The following SDHA variants were observed in gnomAD, a reference collection of about 807,000 sequenced individuals.
SDHA encodes succinate dehydrogenase complex flavoprotein subunit A.
A neutral mutation model predicts 78.4 loss-of-function variants in SDHA; 48 were observed. The ratio of observed to expected loss-of-function variants is 0.61; its 90% confidence interval spans 0.49 to 0.78. The LOEUF (loss-of-function observed/expected upper bound fraction) is 0.78, where lower values mean the gene tolerates loss of function less well. Among genes scored for constraint, SDHA ranks in the 30% least tolerant of loss-of-function variants. The probability of loss-of-function intolerance (pLI) is 0.00; values close to 1 mark genes in which losing one functional copy is unlikely to be tolerated. For missense variants in SDHA, 680 were observed against 892.7 expected (o/e 0.76, Z 3.04); for synonymous variants, 326 against 353.9 (o/e 0.92, Z 0.88).
intron 9 of SDHA, 151 bp from the exon 10 acceptor site, chr5:236,277 G>C: frequency 1.3e-6 from 1 of 754,204 alleles, no homozygotes. Context: ...ACCCACCTCA[G>C]CCTCCCAAAG....
rs34771391 is a variant in SDHA, at chr5:230,927, C to T, written c.822C>T (p.Gly274=). 6,097 of 1,613,966 alleles carry T rather than the reference C, an allele frequency of 3.8e-3. 51 individuals carry two copies. Among genetic ancestry groups the T allele is most frequent in the African/African-American group, 0.026 (1,967 of 75,018 alleles). ...GCACGTCTGCCCACACCAGCACTGG[C>T]GACGGCACGGCCATGATCACCAGGG... The part of the protein sequence containing the change: ...FSCTSAHTST[G]DGTAMITRAG... The change falls in exon 7 of 15, where the codon GGC becomes GGT. Residue 274 remains glycine (G), a synonymous_variant. Transcript: ENST00000264932.
At chr5:218,815 C>T (rs1734539372) in intron 1 of SDHA, among the ~76,000 whole-genome samples, 1 of 152,122 alleles carries the variant, frequency 6.6e-6, no homozygotes, top group Non-Finnish European at 1.5e-5. Flanking sequence ...GGCCGGTGGC[C>T]GCCCTGGCTG....
chr5:242,566 A>C (rs1736210206), intron 11 of SDHA, among the ~76,000 whole-genome samples: 1 of 151,976 alleles, frequency 6.6e-6, no homozygotes, highest in Non-Finnish European at 1.5e-5. Flanking sequence ...CTGATTTCCC[A>C]CTCCACACAC....
intron 9 of SDHA, chr5:235,540 G>C: frequency 1.6e-6 from 1 of 630,484 alleles, no homozygotes; most frequent in Non-Finnish European, 2.9e-6. Flanking sequence ...TTAGTAAATT[G>C]TCAGAGATAC....
downstream of SDHA, among the ~76,000 whole-genome samples, chr5:259,459 C>T (rs1579454096): frequency 3.0e-5 from 1 of 32,950 alleles, no homozygotes. Flanking sequence ...ACCGTGTGAG[C>T]TCCGCCTCCT....
chr5:262,411 CCT>C, the SDHA span, among the ~76,000 whole-genome samples: 1 of 151,956 alleles, frequency 6.6e-6, no homozygotes, highest in Non-Finnish European at 1.5e-5. Context: ...AGATCCGCCC[CCT>C]GTCATATCAT....
the SDHA span, among the ~76,000 whole-genome samples, chr5:265,832 A>AT: frequency 7.0e-6 from 1 of 142,684 alleles, no homozygotes; most frequent in Non-Finnish European, 1.5e-5. Flanking sequence ...AAAAAAAAAA[A>AT]AGAGTTGTCA....
chr5:233,051 A>T (rs1245759208), intron 7 of SDHA, among the ~76,000 whole-genome samples: 1 of 152,264 alleles, frequency 6.6e-6, no homozygotes, highest in Non-Finnish European at 1.5e-5. Flanking sequence ...ATTATCTAAA[A>T]TAATCATTAT....
chr5:244,349 T>C (rs138003562), intron 11 of SDHA, among the ~76,000 whole-genome samples: 6,232 of 151,406 alleles, frequency 0.041, no homozygotes, highest in Middle Eastern at 0.058. Flanking sequence ...TACAAATACA[T>C]AGAGGAGTCA....
chr5:251,537 C>T (rs767213824), intron 13 of SDHA, 69 bp downstream of exon 13: 2 of 1,610,342 alleles, frequency 1.2e-6, no homozygotes, highest in Non-Finnish European at 1.7e-6. Flanking sequence ...AGCCCCACCC[C>T]TGCATTTTCT....
At chr5:224,130 A>G (rs1340757590) in intron 2 of SDHA, among the ~76,000 whole-genome samples, 1 of 152,202 alleles carries the variant, frequency 6.6e-6, no homozygotes, top group Admixed American at 6.5e-5. Flanking sequence ...GTCTGACCCC[A>G]TGGGATAGAC....
chr5:218,363 G>T lies in SDHA; in HGVS notation c.8G>T (p.Gly3Val). The T allele has an allele frequency of 2.1e-6, 3 of 1,462,298 alleles. No individual in the cohort carries two copies. The South Asian group carries it at 4.2e-5, about 20-fold the overall frequency. 90.6% of individuals were successfully genotyped at this position (1,462,298 alleles called of 1,614,324 possible). The change falls in exon 1 of 15, where the codon GGG (glycine) becomes GTG (valine). Residue 3 changes from glycine to valine, a missense_variant. By Grantham distance (109) the Gly-to-Val change is moderately radical (BLOSUM62 -3). Transcript: ENST00000264932. ...GCGGCGGCAACAGCAGACATGTCGG[G>T]GGTCCGGGGCCTGTCGCGGCTGCTG... The part of the protein sequence containing the change: MS[G>V]VRGLSRLLSA...
chr5:262,944 T>C, the SDHA span, among the ~76,000 whole-genome samples: 2 of 152,188 alleles, frequency 1.3e-5, no homozygotes, highest in Non-Finnish European at 2.9e-5. Context: ...AATTTTTTGT[T>C]TTTTTTCTTG....
chr5:246,847 A>G (rs565591970), intron 11 of SDHA, among the ~76,000 whole-genome samples: 1 of 152,358 alleles, frequency 6.6e-6, no homozygotes, highest in South Asian at 2.1e-4. Flanking sequence ...GAGAACTTGG[A>G]TTGTTAAATT....
chr5:256,823 C>CTTTTTTTTTTTTTTTTTTT lies in SDHA; in HGVS notation c.*407_*408insTTTTTTTTTTTTTTTTTTT, dbSNP rs758468864. On this transcript the variant is annotated 3_prime_UTR_variant, in exon 15 of 15. Coordinates refer to ENST00000264932, the MANE Select transcript of SDHA (RefSeq NM_004168.4). ...TTTGTATAGTTTCTTTTTTCTTTTT[C>CTTTTTTTTTTTTTTTTTTT]TTTTCTTTTTTTTTTTTGAGACAGG... is the stretch of plus-strand genomic sequence containing the variant. The CTTTTTTTTTTTTTTTTTTT allele has an allele frequency of 4.6e-6, 1 of 218,898 alleles. No individual in the cohort carries two copies. Among genetic ancestry groups the CTTTTTTTTTTTTTTTTTTT allele is most frequent in the African/African-American group, 2.7e-5 (1 of 37,486 alleles). The allele number at this position is 218,898 out of a possible 1,614,324, so 13.6% of individuals were successfully genotyped here.
At chr5:258,168 A>G (rs868516060), downstream of SDHA, among the ~76,000 whole-genome samples, 1 of 55,504 alleles carries the variant, frequency 1.8e-5, no homozygotes, top group Admixed American at 2.0e-4. Context: ...TGTGAGCTCC[A>G]CCCCCTGCCA....
intron 1 of SDHA, among the ~76,000 whole-genome samples, chr5:221,963 G>C (rs186909128): frequency 4.6e-5 from 7 of 152,068 alleles, no homozygotes. Flanking sequence ...AACATTGAGT[G>C]ATCTCACTGT....
At chr5:254,746 C>T (rs2241600) in intron 14 of SDHA, among the ~76,000 whole-genome samples, 1 of 151,864 alleles carries the variant, frequency 6.6e-6, no homozygotes, top group Non-Finnish European at 1.5e-5. Context: ...CCGTGGTGTG[C>T]GCCAGATGGA....
the SDHA span, among the ~76,000 whole-genome samples, chr5:264,667 C>A: frequency 2.0e-5 from 3 of 152,230 alleles, no homozygotes; most frequent in African/African-American, 7.2e-5. Flanking sequence ...CAGGGTTCTG[C>A]AGCCCAACTG....
Sources: allele counts gnomAD v4.1 joint callset (sites outside exome capture counted in the v4.1 genomes callset), GRCh38; gene constraint gnomAD v4.1.1; transcripts MANE v1.5; gene names NCBI Gene and HGNC (gene_info 2026-07-23, HGNC 2026-07-21).